The following ADK variants were observed in gnomAD, a reference collection of about 807,000 sequenced individuals.
The protein encoded by ADK is N6,N6-dimethyladenosine kinase.
In ADK, 24 loss-of-function variants were observed where a neutral mutation model predicts 44.7. The observed-to-expected ratio is 0.54, with a 90% CI of 0.39 to 0.76. The LOEUF (loss-of-function observed/expected upper bound fraction) is 0.76. ADK is among the 30% of genes least tolerant of loss of function. The probability of loss-of-function intolerance (pLI) is 0.00; values close to 1 mark genes in which losing one functional copy is unlikely to be tolerated. For synonymous variants in ADK, 128 were observed against 142.6 expected, an observed-to-expected ratio of 0.90 and a Z score of 0.73; for missense variants, 321 against 425.1, an observed-to-expected ratio of 0.76 and a Z score of 2.15.
At chr10:74,686,670 GT>G (rs1855800315) in intron 10 of ADK, among the ~76,000 whole-genome samples, 1 of 151,892 alleles carries the variant, frequency 6.6e-6, no homozygotes, top group Non-Finnish European at 1.5e-5. Flanking sequence ...TTGTTTGTTT[GT>G]TTTTTGTTTT....
At chr10:74,201,698 A>ATCTATCTATCTATCTATCTATCTT (rs2132155302) in intron 2 of ADK, among the ~76,000 whole-genome samples, 1 of 147,450 alleles carries the variant, frequency 6.8e-6, no homozygotes, top group Non-Finnish European at 1.5e-5. Context: ...CTATCTATCT[A>ATCTATCTATCTATCTATCTATCTT]TCTATCTATC....
chr10:74,698,466 A>G (rs1420599264), intron 10 of ADK, among the ~76,000 whole-genome samples: 1 of 152,216 alleles, frequency 6.6e-6, no homozygotes, highest in Non-Finnish European at 1.5e-5. Context: ...TTCTTATTAA[A>G]CATACATTCA....
At chr10:74,599,745 GAC>G (rs1288483794) in intron 8 of ADK, among the ~76,000 whole-genome samples, 1 of 152,156 alleles carries the variant, frequency 6.6e-6, no homozygotes. Context: ...ATCAGAGTTT[GAC>G]AATTAGTTTG....
chr10:74,507,147 T>G (rs1194485628), intron 6 of ADK, among the ~76,000 whole-genome samples: 1 of 152,188 alleles, frequency 6.6e-6, no homozygotes, highest in Non-Finnish European at 1.5e-5. Context: ...TGTTAGGCAT[T>G]TGTTAGCATA....
At chr10:74,693,863 AC>A (rs1278432147) in intron 10 of ADK, among the ~76,000 whole-genome samples, 1 of 152,170 alleles carries the variant, frequency 6.6e-6, no homozygotes, top group Non-Finnish European at 1.5e-5. Context: ...GTACTGATTT[AC>A]CTTGTGGAAA....
intron 1 of ADK, among the ~76,000 whole-genome samples, chr10:74,168,668 A>G (rs1015365230): frequency 1.3e-5 from 2 of 151,382 alleles, no homozygotes; most frequent in Non-Finnish European, 2.9e-5. Context: ...GCTGTAGTGC[A>G]GTGGCATGAC....
At chr10:74,469,845 G>A (rs1437653603) in intron 6 of ADK, among the ~76,000 whole-genome samples, 1 of 152,036 alleles carries the variant, frequency 6.6e-6, no homozygotes, top group African/African-American at 2.4e-5. Context: ...CCGTGAATTT[G>A]ACTATTTTAG....
intron 3 of ADK, among the ~76,000 whole-genome samples, chr10:74,291,114 G>A (rs529973709): frequency 3.9e-5 from 6 of 152,150 alleles, no homozygotes; most frequent in African/African-American, 1.4e-4. Context: ...ATTATCTTTA[G>A]CTCATAAAAA....
chr10:74,410,883 A>G (rs1474455227), intron 6 of ADK, among the ~76,000 whole-genome samples: 2 of 152,196 alleles, frequency 1.3e-5, no homozygotes, highest in Non-Finnish European at 1.5e-5. Context: ...CTCTTTATAT[A>G]TAGCATTAAA....
intron 7 of ADK, among the ~76,000 whole-genome samples, chr10:74,554,378 A>C (rs1850159265): frequency 6.6e-6 from 1 of 152,130 alleles, no homozygotes; most frequent in South Asian, 2.1e-4. Context: ...TCCCTTATAT[A>C]TGTAGTCCTA....
At position 74,516,940 on chromosome 10, in the gene ADK, A is replaced by G. The variant is rs144920671; in HGVS notation, c.556-8316A>G. The G allele has an allele frequency of 9.6e-5, 16 of 166,518 alleles. No homozygotes were observed. In the East Asian group the frequency reaches 2.8e-3, roughly 29 times the overall value. The allele number at this position is 166,518 out of a possible 1,614,324, so 10.3% of individuals were successfully genotyped here. ...GAGGTTTAATTGGACTTACAGGTCC[A>G]CATGGCTTGGGAGGCCTCAGAATCA... On this transcript the variant is annotated intron_variant, in intron 6 of 10. Coordinates refer to ENST00000539909, the MANE Select transcript of ADK (RefSeq NM_006721.4).
intron 9 of ADK, among the ~76,000 whole-genome samples, chr10:74,618,002 A>G (rs1205925237): frequency 6.6e-6 from 1 of 152,154 alleles, no homozygotes; most frequent in South Asian, 2.1e-4. Context: ...CTTAATCTCT[A>G]ATGATGCATC....
At chr10:74,252,023 G>A (rs1295351252) in intron 3 of ADK, among the ~76,000 whole-genome samples, 1 of 150,998 alleles carries the variant, frequency 6.6e-6, no homozygotes, top group Non-Finnish European at 1.5e-5. Context: ...CTGAACATAG[G>A]ACTGATATCT....
rs571940401 is a variant in ADK, at chr10:74,667,607, G to A, written c.878-2576G>A. Among the ~76,000 whole-genome samples the A allele has an allele frequency of 5.4e-5, 8 of 149,146 alleles. No individual in the cohort carries two copies. The East Asian group carries it at 8.0e-4, about 15-fold the overall frequency. On this transcript the variant is annotated intron_variant, in intron 9 of 10. Coordinates refer to ENST00000539909, the MANE Select transcript of ADK (RefSeq NM_006721.4). Reference sequence around the variant, plus strand: ...GAGTGTAGTGGTGCGATCTTGGCTCGCTGCAACCTCCACTTCCTGGGTTTA... The same window carrying A: ...GAGTGTAGTGGTGCGATCTTGGCTCACTGCAACCTCCACTTCCTGGGTTTA...
At chr10:74,452,349 G>C (rs1000847249) in intron 6 of ADK, among the ~76,000 whole-genome samples, 1 of 151,916 alleles carries the variant, frequency 6.6e-6, no homozygotes, top group Admixed American at 6.6e-5. Context: ...AGAGCTCAAT[G>C]ATTTGCTTTT....
intron 6 of ADK, among the ~76,000 whole-genome samples, chr10:74,482,890 C>G (rs1364025987): frequency 1.3e-5 from 2 of 152,150 alleles, no homozygotes; most frequent in Non-Finnish European, 2.9e-5. Flanking sequence ...CTCTGCAGGG[C>G]TCAGCTCCCA....
intron 9 of ADK, among the ~76,000 whole-genome samples, chr10:74,613,800 A>G (rs750261508): frequency 3.3e-5 from 5 of 152,196 alleles, no homozygotes; most frequent in Non-Finnish European, 7.4e-5. Flanking sequence ...ATGTCAGCAC[A>G]TGATCCCAAC....
intron 3 of ADK, among the ~76,000 whole-genome samples, chr10:74,294,073 C>T (rs954609794): frequency 6.6e-6 from 1 of 152,118 alleles, no homozygotes; most frequent in Non-Finnish European, 1.5e-5. Flanking sequence ...TCATTATAAG[C>T]TTTATCCACA....
intron 3 of ADK, among the ~76,000 whole-genome samples, chr10:74,232,651 A>G (rs2132271873): frequency 1.3e-5 from 2 of 150,298 alleles, no homozygotes; most frequent in Middle Eastern, 6.8e-3. Context: ...TTTGAGACGG[A>G]GTCTTGCTCT....
Sources: allele counts gnomAD v4.1 joint callset (sites outside exome capture counted in the v4.1 genomes callset), GRCh38; gene constraint gnomAD v4.1.1; transcripts MANE v1.5; gene names NCBI Gene and HGNC (gene_info 2026-07-23, HGNC 2026-07-21).